The following RAB36 variants were observed in gnomAD, a reference collection of about 807,000 sequenced individuals.
RAB36 encodes the protein ras-related protein Rab-36.
A neutral mutation model predicts 39.3 loss-of-function variants in RAB36; 33 were observed. The ratio of observed to expected loss-of-function variants is 0.84; its 90% CI spans 0.64 to 1.12. RAB36 has a LOEUF of 1.12. RAB36 is among the 50% of genes most tolerant of loss of function. The pLI is 0.00. For synonymous variants in RAB36, 133 were observed against 140.2 expected, an observed-to-expected ratio of 0.95 and a Z score of 0.36; for missense variants, 308 against 355.3, an observed-to-expected ratio of 0.87 and a Z score of 1.07.
chr22:23,152,824 TA>T (rs2071235467), intron 4 of RAB36, among the ~76,000 whole-genome samples: 1 of 152,200 alleles, frequency 6.6e-6, no homozygotes, highest in African/African-American at 2.4e-5. Context: ...GCTCAGTTTC[TA>T]ACTCACAGCT....
downstream of RAB36, among the ~76,000 whole-genome samples, chr22:23,167,580 A>G (rs2146629285): frequency 1.3e-5 from 2 of 152,342 alleles, no homozygotes. Flanking sequence ...CACTCTCTGG[A>G]GGGATGCAGG....
intron 5 of RAB36, chr22:23,153,449 T>C: frequency 2.1e-6 from 1 of 478,484 alleles, no homozygotes; most frequent in Non-Finnish European, 2.7e-6. Context: ...GACCTAGGCC[T>C]CCTGTGATCC....
intron 9 of RAB36, 57 bp from the exon 10 acceptor site, chr22:23,160,822 G>A (rs554984890): frequency 3.2e-6 from 5 of 1,578,774 alleles, no homozygotes; most frequent in South Asian, 2.3e-5. Flanking sequence ...ACACCCAGAT[G>A]CATTAAGGGG....
chr22:23,153,909 G>A (rs1343314285), intron 5 of RAB36, among the ~76,000 whole-genome samples: 1 of 151,858 alleles, frequency 6.6e-6, no homozygotes, highest in Non-Finnish European at 1.5e-5. Flanking sequence ...TGCTGATCTC[G>A]AACTCCTGAC....
chr22:23,163,913 A>G lies in RAB36; in HGVS notation c.*2349A>G, dbSNP rs1024377105. Reference sequence around the variant, plus strand: ...CTTCCTGTAGCAGCGCCCAGTTTTCATGTGGATGGATTGTAGTTCATTTGA... The same window carrying G: ...CTTCCTGTAGCAGCGCCCAGTTTTCGTGTGGATGGATTGTAGTTCATTTGA... On this transcript the variant is annotated 3_prime_UTR_variant, in exon 11 of 11. Transcript: ENST00000263116. The G allele has an allele frequency of 6.6e-6, 1 of 152,204 alleles. No individual in the cohort carries two copies. Among genetic ancestry groups the G allele is most frequent in the Non-Finnish European group, 1.5e-5 (1 of 68,050 alleles). The allele number at this position is 152,204 out of a possible 1,614,324, so 9.4% of individuals were successfully genotyped here. A position where few individuals can be genotyped will look rare whatever the true frequency, so the allele number is the denominator to read the frequency against.
In RAB36 at chr22:23,164,918, C is replaced by T. The variant is rs1305528848; in HGVS notation, c.*3354C>T. 2.6e-5 allele frequency among the ~76,000 whole-genome samples: 4 copies of T among 151,784 alleles called. No individual in the cohort carries two copies. The highest frequency in any genetic ancestry group is 6.6e-5 in the Admixed American group (1 of 15,236). On this transcript the variant is annotated 3_prime_UTR_variant, in exon 11 of 11. Coordinates refer to ENST00000263116, the MANE Select transcript of RAB36 (RefSeq NM_004914.5). The stretch of plus-strand genomic sequence containing the variant: ...CCAGCCCACCCCACCCCCACAGGCC[C>T]CTGTGCTCCAGTTTCATCCCTGGTC...
rs749435659 is a variant in RAB36 at position 23,161,589 on chromosome 22, G to C, written c.*25G>C. 1.5e-5 allele frequency: 24 copies of C among 1,561,982 alleles called. No individual in the cohort carries two copies. The African/African-American group carries it at 2.8e-4, about 18-fold the overall frequency. ...ACTGGGGCCTGCGTGGAAGGCCTCC[G>C]CTCCCTGCACACACACGGACAGGAA... On this transcript the variant is annotated 3_prime_UTR_variant, in exon 11 of 11. Coordinates refer to ENST00000263116, the MANE Select transcript of RAB36 (RefSeq NM_004914.5).
At chr22:23,149,633 G>A (rs1334067265) in intron 2 of RAB36, among the ~76,000 whole-genome samples, 1 of 152,202 alleles carries the variant, frequency 6.6e-6, no homozygotes, top group African/African-American at 2.4e-5. Context: ...TGTCTCTTGA[G>A]CTGAAGCAAT....
At chr22:23,156,855 T>C (rs566133770) in intron 6 of RAB36, among the ~76,000 whole-genome samples, 139 of 152,226 alleles carry the variant, frequency 9.1e-4, no homozygotes, top group African/African-American at 3.0e-3. Flanking sequence ...GAATAAGAGG[T>C]GCGAGGCGCC....
At chr22:23,146,092 G>A (rs2070755053) in intron 1 of RAB36, 1 of 904,124 alleles carries the variant, frequency 1.1e-6, no homozygotes, top group Non-Finnish European at 1.3e-6. Context: ...CAGGTCTTCT[G>A]ACTCCCAGGC....
chr22:23,146,731 C>G, intron 2 of RAB36, 46 bp downstream of exon 2: 1 of 1,604,636 alleles, frequency 6.2e-7, no homozygotes, highest in Non-Finnish European at 8.5e-7. Flanking sequence ...CCTGCAGCCA[C>G]ATCAGCTCTC....
chr22:23,167,884 G>A (rs774775834), downstream of RAB36, among the ~76,000 whole-genome samples: 4 of 151,778 alleles, frequency 2.6e-5, no homozygotes, highest in Admixed American at 6.6e-5. Context: ...ATGGGGTCTC[G>A]CATTGTTACC....
Position 23,150,434 on chromosome 22 carries a change from G to T in RAB36, c.161+280G>T, listed in dbSNP as rs528992306. On this transcript the variant is annotated intron_variant, in intron 3 of 10. Coordinates refer to ENST00000263116, the MANE Select transcript of RAB36 (RefSeq NM_004914.5). ...CTCCTGCCTCAGCCTCCCGAGTAGC[G>T]GGGACTACAGGCGCCCGCCACCACG... is the stretch of plus-strand genomic sequence containing the variant. Among the ~76,000 whole-genome samples, 4 of 151,510 alleles carry T rather than the reference G, an allele frequency of 2.6e-5. No homozygotes were observed. The East Asian group carries it at 5.9e-4, about 22-fold the overall frequency.
upstream of RAB36, chr22:23,145,388 G>A (rs137867464): frequency 5.3e-5 from 85 of 1,608,500 alleles, no homozygotes; most frequent in African/African-American, 1.1e-3. Context: ...GGTGCAAGCT[G>A]GATGCTTGGA....
Position 23,158,929 on chromosome 22 carries a change from G to A in RAB36, c.478G>A (p.Glu160Lys), listed in dbSNP as rs1341125699. The A allele has an allele frequency of 6.2e-6, 10 of 1,614,102 alleles. No homozygotes were observed. The highest frequency in any genetic ancestry group is 4.5e-5 in the East Asian group (2 of 44,892). ...GTTGGAGGATGCTCTGAGGGAGAACGAGGCAGGCTCCTGCTTCATCTTCCT... is the reference window on the plus strand; with the variant it reads ...GTTGGAGGATGCTCTGAGGGAGAACAAGGCAGGCTCCTGCTTCATCTTCCT... ...QWLEDALREN[E>K]AGSCFIFLVG... Residue 160 changes from glutamate to lysine, a missense_variant, in exon 8 of 11, where the codon GAG (glutamate) becomes AAG (lysine). By Grantham distance (56) the Glu-to-Lys change is moderately conservative. Transcript: ENST00000263116.
At chr22:23,157,902 C>T in intron 6 of RAB36, 90 bp from the exon 7 acceptor site, 1 of 1,592,054 alleles carries the variant, frequency 6.3e-7, no homozygotes, top group Non-Finnish European at 8.6e-7. Flanking sequence ...GCTGCCCTGG[C>T]AGTTCCTTGG....
At chr22:23,166,168 A>T (rs1220656538), downstream of RAB36, among the ~76,000 whole-genome samples, 1 of 149,610 alleles carries the variant, frequency 6.7e-6, no homozygotes, top group African/African-American at 2.5e-5. Flanking sequence ...AAAAAAAAAA[A>T]AAAAAAAAAG....
At chr22:23,166,199 C>CCCAATGT (rs1183704859), downstream of RAB36, among the ~76,000 whole-genome samples, 60 of 146,084 alleles carry the variant, frequency 4.1e-4, 1 homozygote, top group Middle Eastern at 3.6e-3. Context: ...AGAGACAAGC[C>CCCAATGT]CCAATGTGTA....
intron 1 of RAB36, 146 bp downstream of exon 1, chr22:23,145,697 C>G: frequency 9.5e-7 from 1 of 1,055,128 alleles, no homozygotes; most frequent in Non-Finnish European, 1.3e-6. Context: ...CCGGGGCGTC[C>G]TCATTTCCGG....
Sources: gnomAD v4.1 joint callset for allele counts (sites outside exome capture counted in the v4.1 genomes callset) on GRCh38, gnomAD v4.1.1 for gene constraint, MANE v1.5 for transcripts, NCBI Gene and HGNC (gene_info 2026-07-23, HGNC 2026-07-21) for gene names.